SPEN: variants seen among roughly 807,000 people sequenced by gnomAD.
SPEN encodes msx2-interacting protein.
SPEN carries 18 observed loss-of-function variants against 269.9 expected under a neutral mutation model. The observed-to-expected ratio is 0.07, with a 90% CI of 0.05 to 0.10. The LOEUF (loss-of-function observed/expected upper bound fraction) is 0.10, where lower values mean the gene tolerates loss of function less well. Among genes scored for constraint, SPEN ranks in the 10% least tolerant of loss-of-function variants. The pLI, the probability that SPEN is intolerant of heterozygous loss-of-function variation, is 1.00. For synonymous variants in SPEN, 1,726 were observed against 1,765.7 expected (o/e 0.98, Z 0.56); for missense variants, 3,822 against 4,631.2 (o/e 0.83, Z 5.07).
At position 15,939,157 on chromosome 1, in the gene SPEN, CAT is replaced by C; in HGVS notation, c.10864-137_10864-136del. 2 of 1,223,284 alleles carry C rather than the reference CAT, an allele frequency of 1.6e-6. No homozygotes were observed. Among genetic ancestry groups the C allele is most frequent in the Non-Finnish European group, 2.3e-6 (2 of 887,410 alleles). 75.8% of individuals were successfully genotyped at this position (1,223,284 alleles called of 1,614,324 possible). A position where few individuals can be genotyped will look rare whatever the true frequency, so the allele number is the denominator to read the frequency against. ...GACACCTGCTAGGTCTTCCAGTAGA[CAT>C]AGTCCTGGCACATTTGCTGGTTGGG... is the stretch of plus-strand genomic sequence containing the variant. On this transcript the variant is annotated intron_variant, in intron 14 of 14. Coordinates refer to ENST00000375759, the MANE Select transcript of SPEN (RefSeq NM_015001.3). The surrounding 1 kb of genome is among the most constrained non-coding windows in gnomAD (Gnocchi z 4.1).
At chr1:15,891,132 A>C (rs2070784032) in intron 3 of SPEN, among the ~76,000 whole-genome samples, 1 of 152,224 alleles carries the variant, frequency 6.6e-6, no homozygotes. Flanking sequence ...TTTAACAAAG[A>C]AATTCCGTTT....
intron 3 of SPEN, among the ~76,000 whole-genome samples, chr1:15,891,513 G>A (rs1270712909): frequency 6.6e-6 from 1 of 151,774 alleles, no homozygotes; most frequent in Non-Finnish European, 1.5e-5. Flanking sequence ...CACCACGCCC[G>A]GCTAATTTTT....
In SPEN at chr1:15,934,434, G is replaced by C. The variant is rs2071253918; in HGVS notation, c.8194G>C (p.Val2732Leu). The C allele has an allele frequency of 6.2e-7, 1 of 1,613,964 alleles. No homozygotes were observed. Among genetic ancestry groups the C allele is most frequent in the Non-Finnish European group, 8.5e-7 (1 of 1,180,030 alleles). Residue 2732 changes from valine (V) to leucine (L), a missense_variant, in exon 11 of 15, where the codon GTG (valine) becomes CTG (leucine). Physicochemically the swap from Val to Leu is conservative, Grantham distance 32. Coordinates refer to ENST00000375759, the MANE Select transcript of SPEN (RefSeq NM_015001.3). This position sits in a 1 kb window ranked among gnomAD's most constrained non-coding sequence, Gnocchi z 9.2. Reference sequence around the variant, plus strand: ...CACAGTCAATGCCGCTGCGAGTGCAGTGAATGCCACAGCAAGTGCAGTGAC... The same window carrying C: ...CACAGTCAATGCCGCTGCGAGTGCACTGAATGCCACAGCAAGTGCAGTGAC... Reference protein sequence around the residue: ...PGTVNAAASAVNATASAVTVT... With the variant: ...PGTVNAAASALNATASAVTVT...
rs754575964 is a variant in SPEN, at chr1:15,934,858, C to T, written c.8618C>T (p.Ala2873Val). 6.2e-7 allele frequency: 1 copy of T among 1,614,198 alleles called. No homozygotes were observed. The highest frequency in any genetic ancestry group is 8.5e-7 in the Non-Finnish European group (1 of 1,180,022). Residue 2873 changes from alanine to valine, a missense_variant, in exon 11 of 15, where the codon GCT becomes GTT. Ala to Val is a moderately conservative substitution (Grantham distance 64, BLOSUM62 0). Coordinates refer to ENST00000375759, the MANE Select transcript of SPEN (RefSeq NM_015001.3). This position sits in a 1 kb window ranked among gnomAD's most constrained non-coding sequence, Gnocchi z 9.2. ...ASQPPSKGPQ[A>V]PAGYANVATH... ...CAGCCTCCATCCAAAGGCCCTCAAG[C>T]TCCTGCAGGCTATGCGAACGTGGCC...
At chr1:15,882,172 G>T (rs969421000) in intron 3 of SPEN, among the ~76,000 whole-genome samples, 1 of 152,120 alleles carries the variant, frequency 6.6e-6, no homozygotes, top group African/African-American at 2.4e-5. Context: ...GGCTCCATGT[G>T]CTGCTATGTA....
chr1:15,890,208 G>A (rs1289522136), intron 3 of SPEN, among the ~76,000 whole-genome samples: 1 of 152,162 alleles, frequency 6.6e-6, no homozygotes, highest in East Asian at 1.9e-4. Flanking sequence ...GATGAGGGCA[G>A]TAAAACATTT....
chr1:15,916,515 T>C (rs1196054089), intron 6 of SPEN, among the ~76,000 whole-genome samples: 1 of 147,406 alleles, frequency 6.8e-6, no homozygotes, highest in Non-Finnish European at 1.5e-5. Flanking sequence ...TACCTCTTTT[T>C]TTTTTTTTTT....
At chr1:15,892,570 C>T (rs1466112340) in intron 3 of SPEN, among the ~76,000 whole-genome samples, 1 of 152,048 alleles carries the variant, frequency 6.6e-6, no homozygotes, top group Non-Finnish European at 1.5e-5. Flanking sequence ...CCTCTTGGGA[C>T]TGTTATGCCT....
At chr1:15,910,610 C>T (rs1354443062) in intron 4 of SPEN, among the ~76,000 whole-genome samples, 1 of 150,842 alleles carries the variant, frequency 6.6e-6, no homozygotes, top group African/African-American at 2.4e-5. Context: ...TGTCTTCCTG[C>T]TTTCCTACTG....
rs202019470 is a variant in SPEN, at chr1:15,928,357, G to A, written c.2117G>A (p.Arg706His). ...AGGCAAAGGGAACGAGAAAGAGAAC[G>A]TGAAAGATTTGAGTCTGACCGGGAC... ...SYRQRERERE[R>H]ERFESDRDRD... Residue 706 changes from arginine (R) to histidine (H), a missense_variant, in exon 11 of 15, where the codon CGT (arginine) becomes CAT (histidine). By Grantham distance (29) the Arg-to-His change is conservative (BLOSUM62 0). This residue lies in a region of SPEN where 572 missense variants were observed against 582.6 expected (regional missense o/e 0.98). Transcript: ENST00000375759. The surrounding 1 kb of genome is among the most constrained non-coding windows in gnomAD (Gnocchi z 5.7). The A allele has an allele frequency of 1.1e-4, 171 of 1,614,062 alleles. 1 individual carries two copies. The highest frequency in any genetic ancestry group is 1.3e-4 in the Non-Finnish European group (156 of 1,180,044).
Position 15,934,550 on chromosome 1 carries a change from A to G in SPEN, c.8310A>G (p.Ser2770=), listed in dbSNP as rs907575192. The G allele has an allele frequency of 1.4e-5, 22 of 1,614,008 alleles. No individual in the cohort carries two copies. Among genetic ancestry groups the G allele is most frequent in the Non-Finnish European group, 1.9e-5 (22 of 1,180,048 alleles). Residue 2770 remains serine (S), a synonymous_variant, in exon 11 of 15, where the codon TCA becomes TCG. Coordinates refer to ENST00000375759, the MANE Select transcript of SPEN (RefSeq NM_015001.3). The surrounding 1 kb of genome is among the most constrained non-coding windows in gnomAD (Gnocchi z 9.2). ...VTMAGAVIAP[S]TKCKQRASAN... is the part of the protein sequence containing the mutation. ...TGGCAGGGGCAGTGATTGCGCCGTC[A>G]ACAAAGTGCAAACAGAGAGCGAGTG...
At chr1:15,855,527 G>A (rs1036087972) in intron 1 of SPEN, among the ~76,000 whole-genome samples, 2 of 152,052 alleles carry the variant, frequency 1.3e-5, no homozygotes, top group African/African-American at 2.4e-5. Flanking sequence ...CAAATTGGTA[G>A]GTAGAAGTAT....
chr1:15,862,599 T>C (rs993150938), intron 1 of SPEN, among the ~76,000 whole-genome samples: 1 of 152,234 alleles, frequency 6.6e-6, no homozygotes, highest in Non-Finnish European at 1.5e-5. Context: ...GACAATCTTT[T>C]GAGAGGTTTG....
intron 4 of SPEN, 36 bp from the exon 5 acceptor site, chr1:15,911,065 G>A (rs1486049917): frequency 2.6e-6 from 4 of 1,513,546 alleles, no homozygotes; most frequent in African/African-American, 1.4e-5. Context: ...AATTAAATTA[G>A]AAGAATTAAT....
chr1:15,906,453 CTTTTTTTTTT>C (rs200731520), intron 3 of SPEN, among the ~76,000 whole-genome samples: 24 of 92,590 alleles, frequency 2.6e-4, no homozygotes, highest in African/African-American at 1.1e-3. Flanking sequence ...TCTTTCTTTC[CTTTTTTTTTT>C]TTTTTTTTTT....
At chr1:15,876,745 A>G in intron 3 of SPEN, 67 bp downstream of exon 3, 1 of 1,181,260 alleles carries the variant, frequency 8.5e-7, no homozygotes, top group Non-Finnish European at 1.2e-6. Flanking sequence ...AATCAGTGGG[A>G]ATGGTTTCAG....
chr1:15,914,494 A>G (rs906076727), intron 5 of SPEN, among the ~76,000 whole-genome samples: 2 of 152,210 alleles, frequency 1.3e-5, no homozygotes, highest in South Asian at 2.1e-4. Context: ...GAGAAAGGCT[A>G]TGATAAATTA....
intron 3 of SPEN, among the ~76,000 whole-genome samples, chr1:15,891,365 T>TG (rs2070786958): frequency 6.6e-6 from 1 of 151,444 alleles, no homozygotes; most frequent in African/African-American, 2.4e-5. Context: ...TTTTTTTTTT[T>TG]TTTTGAGATG....
chr1:15,866,997 CAT>C (rs1250716002), intron 1 of SPEN, among the ~76,000 whole-genome samples: 1 of 152,150 alleles, frequency 6.6e-6, no homozygotes, highest in African/African-American at 2.4e-5. Context: ...AGCTGTAACT[CAT>C]AAACCATAAA....
Sources: gnomAD v4.1 joint callset for allele counts (sites outside exome capture counted in the v4.1 genomes callset) on GRCh38, gnomAD v4.1.1 for gene constraint, gnomAD v4.1.1 regional missense constraint, Gnocchi (gnomAD v3.1) non-coding constraint, MANE v1.5 for transcripts, NCBI Gene and HGNC (gene_info 2026-07-23, HGNC 2026-07-21) for gene names.